The following MAPKAP1 variants were observed in gnomAD, a reference collection of about 807,000 sequenced individuals.
The protein encoded by MAPKAP1 is MAPK associated protein 1.
MAPKAP1 carries 20 observed loss-of-function variants against 65.7 expected under a neutral mutation model. The observed-to-expected ratio is 0.30, with a 90% CI of 0.21 to 0.44. The LOEUF (loss-of-function observed/expected upper bound fraction) is 0.44, where lower values mean the gene tolerates loss of function less well. Among genes scored for constraint, MAPKAP1 ranks in the 20% least tolerant of loss-of-function variants. The probability of loss-of-function intolerance (pLI) is 1.00; values close to 1 mark genes in which losing one functional copy is unlikely to be tolerated. For synonymous variants in MAPKAP1, 222 were observed against 244.3 expected (o/e 0.91, Z 0.85); for missense variants, 423 against 648.0 (o/e 0.65, Z 3.77).
chr9:125,543,818 C>T (rs1300577351), intron 6 of MAPKAP1, among the ~76,000 whole-genome samples: 4 of 152,086 alleles, frequency 2.6e-5, no homozygotes, highest in Admixed American at 2.0e-4. Flanking sequence ...CAAACCAAAT[C>T]TTGCAACAAG....
chr9:125,705,780 T>A (rs1245409552), intron 1 of MAPKAP1, among the ~76,000 whole-genome samples: 1 of 152,096 alleles, frequency 6.6e-6, no homozygotes, highest in Non-Finnish European at 1.5e-5. Flanking sequence ...CTCAATAGAC[T>A]GAAAGAGAAA....
intron 8 of MAPKAP1, among the ~76,000 whole-genome samples, chr9:125,500,237 G>A (rs957192672): frequency 6.6e-6 from 1 of 152,212 alleles, no homozygotes; most frequent in South Asian, 2.1e-4. Flanking sequence ...ACCCAGGATG[G>A]AGTGCAGTGG....
intron 1 of MAPKAP1, among the ~76,000 whole-genome samples, chr9:125,677,506 G>A (rs1305628003): frequency 1.3e-5 from 2 of 152,052 alleles, no homozygotes; most frequent in Admixed American, 6.6e-5. Flanking sequence ...GACTAGCCTC[G>A]CCAACATGCT....
chr9:125,534,864 G>A (rs1217463813), intron 7 of MAPKAP1, among the ~76,000 whole-genome samples: 1 of 152,144 alleles, frequency 6.6e-6, no homozygotes, highest in East Asian at 1.9e-4. Context: ...TCCCCAGGAT[G>A]GAACTAGGGC....
At chr9:125,496,062 A>T (rs1854931178) in intron 8 of MAPKAP1, among the ~76,000 whole-genome samples, 1 of 152,190 alleles carries the variant, frequency 6.6e-6, no homozygotes, top group Admixed American at 6.5e-5. Context: ...TAAGCCTCAC[A>T]ACGCTTTACA....
chr9:125,595,677 CAG>C lies in MAPKAP1; in HGVS notation c.499-9952_499-9951del. On this transcript the variant is annotated intron_variant, in intron 4 of 11. Coordinates refer to ENST00000265960, the MANE Select transcript of MAPKAP1 (RefSeq NM_001006617.3). This position sits in a 1 kb window ranked among gnomAD's most constrained non-coding sequence, Gnocchi z 4.0. ...CTCTCTTCTCCCTGCCGTCCTAAGT[CAG>C]AGTCTCCTAAAGAGCCGGAACAGCT... 1.3e-6 allele frequency: 2 copies of C among 1,533,192 alleles called. No homozygotes were observed. Among genetic ancestry groups the C allele is most frequent in the African/African-American group, 1.4e-5 (1 of 72,956 alleles). The allele number at this position is 1,533,192 out of a possible 1,614,324, so 95.0% of individuals were successfully genotyped here. A position where few individuals can be genotyped will look rare whatever the true frequency, so the allele number is the denominator to read the frequency against.
At chr9:125,659,125 G>C (rs191997126) in intron 3 of MAPKAP1, among the ~76,000 whole-genome samples, 1 of 152,164 alleles carries the variant, frequency 6.6e-6, no homozygotes, top group Admixed American at 6.5e-5. Flanking sequence ...TTAAATATGG[G>C]AAGTACTTTT....
At chr9:125,495,967 C>T (rs899902934) in intron 8 of MAPKAP1, among the ~76,000 whole-genome samples, 1 of 152,246 alleles carries the variant, frequency 6.6e-6, no homozygotes, top group Admixed American at 6.5e-5. Flanking sequence ...CAGACACACT[C>T]AGTAATGGTG....
chr9:125,635,344 G>T (rs1833393655), intron 4 of MAPKAP1, among the ~76,000 whole-genome samples: 1 of 152,162 alleles, frequency 6.6e-6, no homozygotes, highest in African/African-American at 2.4e-5. Context: ...AAAGCTCCTA[G>T]ATATGAACTA....
intron 8 of MAPKAP1, among the ~76,000 whole-genome samples, chr9:125,499,961 T>G (rs565742945): frequency 5.3e-5 from 8 of 152,262 alleles, no homozygotes; most frequent in Admixed American, 1.3e-4. Flanking sequence ...CACTCCAGCC[T>G]GGGTGACAGA....
chr9:125,590,036 A>G (rs1321770080), intron 4 of MAPKAP1, among the ~76,000 whole-genome samples: 1 of 152,194 alleles, frequency 6.6e-6, no homozygotes, highest in African/African-American at 2.4e-5. Context: ...TAGCCCTCAT[A>G]TTACCCTCCT....
At chr9:125,669,762 T>C in intron 3 of MAPKAP1, 56 bp downstream of exon 3, 1 of 879,454 alleles carries the variant, frequency 1.1e-6, no homozygotes. Flanking sequence ...AAAGTTCTTA[T>C]ATAATAAACT....
At chr9:125,468,957 C>T (rs1853792103) in intron 9 of MAPKAP1, among the ~76,000 whole-genome samples, 1 of 152,156 alleles carries the variant, frequency 6.6e-6, no homozygotes, top group South Asian at 2.1e-4. Context: ...TGGAAATGCA[C>T]AGCAACCGCT....
intron 4 of MAPKAP1, among the ~76,000 whole-genome samples, chr9:125,609,308 G>A (rs1429443803): frequency 6.6e-6 from 1 of 152,112 alleles, no homozygotes. Flanking sequence ...ACCACAGCAA[G>A]TGGGAACTTC....
At chr9:125,491,527 G>A (rs988010240) in intron 8 of MAPKAP1, among the ~76,000 whole-genome samples, 12 of 151,642 alleles carry the variant, frequency 7.9e-5, no homozygotes, top group Admixed American at 2.0e-4. Context: ...CTGTAATCCC[G>A]GCACTTCTGG....
At position 125,442,527 on chromosome 9, in the gene MAPKAP1, T is replaced by C. The variant is rs545819784; in HGVS notation, c.1443+1974A>G. On this transcript the variant is annotated intron_variant, in intron 11 of 11. Transcript: ENST00000265960. ...CCTTCTCAAGTCTTGAATATTTTAA[T>C]GCTGGCTATAAAAAAAAAAAAAAAA... Among the ~76,000 whole-genome samples, 103 of 129,938 alleles carry C rather than the reference T, an allele frequency of 7.9e-4. 1 individual carries two copies. The highest frequency in any genetic ancestry group is 3.0e-3 in the African/African-American group (99 of 33,152). The allele number at this position is 129,938 out of a possible 152,430, so 85.2% of individuals were successfully genotyped here.
At chr9:125,469,965 A>C (rs1354387348) in intron 9 of MAPKAP1, among the ~76,000 whole-genome samples, 1 of 152,076 alleles carries the variant, frequency 6.6e-6, no homozygotes, top group African/African-American at 2.4e-5. Context: ...TCTTCTTCTT[A>C]TTTTGACATT....
At chr9:125,444,933 TATTA>T (rs1372126719) in intron 10 of MAPKAP1, among the ~76,000 whole-genome samples, 6 of 152,206 alleles carry the variant, frequency 3.9e-5, no homozygotes, top group African/African-American at 1.4e-4. Context: ...AACTCCACAT[TATTA>T]CTCTAAAAAT....
intron 10 of MAPKAP1, among the ~76,000 whole-genome samples, chr9:125,462,106 G>T (rs943815570): frequency 6.6e-6 from 1 of 152,206 alleles, no homozygotes; most frequent in Non-Finnish European, 1.5e-5. Context: ...GAGAGAGAGC[G>T]CATGAGCAAG....
Sources: allele counts gnomAD v4.1 joint callset (sites outside exome capture counted in the v4.1 genomes callset), GRCh38; gene constraint gnomAD v4.1.1; non-coding constraint Gnocchi (gnomAD v3.1); transcripts MANE v1.5; gene names NCBI Gene and HGNC (gene_info 2026-07-23, HGNC 2026-07-21).